Variants in RBFOX1 observed in about 807,000 individuals in gnomAD.
The protein encoded by RBFOX1 is RNA binding fox-1 homolog 1.
Under a neutral mutation model 57.7 loss-of-function variants are expected in RBFOX1, and 8 were observed. The ratio of observed to expected loss-of-function variants is 0.14; its 90% CI spans 0.08 to 0.25. RBFOX1 has a LOEUF of 0.25. Among genes scored for constraint, RBFOX1 ranks in the 10% least tolerant of loss-of-function variants. The pLI, the probability that RBFOX1 is intolerant of heterozygous loss-of-function variation, is 1.00. For synonymous variants in RBFOX1, 326 were observed against 222.4 expected (o/e 1.47, Z -4.15); for missense variants, 611 against 548.5 (o/e 1.11, Z -1.14).
At chr16:5,568,668 TATGCCAGC>T (rs961783218) in intron 2 of RBFOX1, among the ~76,000 whole-genome samples, 29 of 152,348 alleles carry the variant, frequency 1.9e-4, no homozygotes, top group African/African-American at 7.0e-4. Context: ...CTTGTCCACC[TATGCCAGC>T]ATGGGCTTTC....
intron 3 of RBFOX1, among the ~76,000 whole-genome samples, chr16:6,702,596 C>G (rs943451910): frequency 7.2e-5 from 11 of 151,998 alleles, no homozygotes; most frequent in African/African-American, 2.4e-4. Context: ...ACATTCTATT[C>G]CTTCCCAAAA....
At chr16:6,253,699 G>GTATATA (rs373756943) in intron 1 of RBFOX1, among the ~76,000 whole-genome samples, 90 of 142,462 alleles carry the variant, frequency 6.3e-4, no homozygotes, top group East Asian at 3.0e-3. Flanking sequence ...GTGTGTGTGT[G>GTATATA]TATATATATA....
intron 3 of RBFOX1, among the ~76,000 whole-genome samples, chr16:6,965,429 C>T (rs138594337): frequency 1.3e-5 from 2 of 151,902 alleles, no homozygotes; most frequent in South Asian, 2.1e-4. Context: ...TGCAGCCTCC[C>T]GGGTTCAATT....
At chr16:6,215,067 C>T (rs1217973817) in intron 1 of RBFOX1, among the ~76,000 whole-genome samples, 6 of 66,862 alleles carry the variant, frequency 9.0e-5, no homozygotes, top group East Asian at 9.6e-4. Context: ...GGGAGAGGGA[C>T]GGGGAGATGG....
chr16:6,378,263 C>T (rs945183258), intron 2 of RBFOX1, among the ~76,000 whole-genome samples: 1 of 152,220 alleles, frequency 6.6e-6, no homozygotes, highest in Non-Finnish European at 1.5e-5. Flanking sequence ...GCCAGTGCTT[C>T]CCCTCCGTGC....
intron 4 of RBFOX1, among the ~76,000 whole-genome samples, chr16:7,317,822 C>T (rs1021941983): frequency 4.6e-5 from 7 of 152,150 alleles, no homozygotes; most frequent in East Asian, 1.9e-4. Flanking sequence ...TCTACATTTA[C>T]GAAGTAGAGG....
At chr16:5,776,864 C>G (rs1487372224) in intron 3 of RBFOX1, among the ~76,000 whole-genome samples, 1 of 152,218 alleles carries the variant, frequency 6.6e-6, no homozygotes. Context: ...AAATCAGCAT[C>G]ATCAAACACG....
At chr16:7,164,208 A>T (rs559410233) in intron 4 of RBFOX1, among the ~76,000 whole-genome samples, 16 of 152,220 alleles carry the variant, frequency 1.1e-4, no homozygotes, top group Non-Finnish European at 1.8e-4. Flanking sequence ...GAGTGAGAAC[A>T]TATGATGTTT....
At chr16:6,855,036 G>A (rs184583509) in intron 3 of RBFOX1, among the ~76,000 whole-genome samples, 257 of 152,110 alleles carry the variant, frequency 1.7e-3, no homozygotes, top group Non-Finnish European at 2.4e-3. Context: ...TCACTGTTGG[G>A]AGGTGGGTGG....
chr16:7,195,458 C>T (rs1006424900), intron 4 of RBFOX1, among the ~76,000 whole-genome samples: 3 of 152,142 alleles, frequency 2.0e-5, no homozygotes, highest in Admixed American at 1.3e-4. Context: ...CTAATATTGG[C>T]AAGGCAAAAC....
intron 5 of RBFOX1, among the ~76,000 whole-genome samples, chr16:7,529,254 C>G (rs754952773): frequency 1.3e-5 from 2 of 152,188 alleles, no homozygotes; most frequent in Non-Finnish European, 2.9e-5. Flanking sequence ...GAATCAGACT[C>G]TGTCTCAAAA....
chr16:7,464,146 T>C (rs1390669612), intron 4 of RBFOX1, among the ~76,000 whole-genome samples: 3 of 152,208 alleles, frequency 2.0e-5, no homozygotes, highest in Non-Finnish European at 2.9e-5. Context: ...TCTGATTTCC[T>C]TAAGATAGGG....
At chr16:5,419,730 A>C (rs55857743) in intron 1 of RBFOX1, among the ~76,000 whole-genome samples, 37,528 of 151,874 alleles carry the variant, frequency 0.25, 5,200 homozygotes, top group Middle Eastern at 0.34. Flanking sequence ...TGAACACAAA[A>C]GACCTGAAAG....
At chr16:7,229,181 G>A (rs1396309649) in intron 4 of RBFOX1, among the ~76,000 whole-genome samples, 1 of 152,216 alleles carries the variant, frequency 6.6e-6, no homozygotes, top group Non-Finnish European at 1.5e-5. Flanking sequence ...TTTCTTTCAT[G>A]CTTCAGAAAG....
chr16:6,916,102 A>C (rs1417636659), intron 3 of RBFOX1, among the ~76,000 whole-genome samples: 1 of 152,178 alleles, frequency 6.6e-6, no homozygotes, highest in African/African-American at 2.4e-5. Context: ...AAAGGGCATA[A>C]GCGCTGTGTA....
intron 2 of RBFOX1, among the ~76,000 whole-genome samples, chr16:5,491,333 A>T (rs973548343): frequency 6.6e-6 from 1 of 152,114 alleles, no homozygotes; most frequent in African/African-American, 2.4e-5. Flanking sequence ...CCACCTGACT[A>T]TTATCGCCAA....
chr16:6,487,154 G>GTGTC (rs141233620), intron 2 of RBFOX1, among the ~76,000 whole-genome samples: 11 of 97,010 alleles, frequency 1.1e-4, no homozygotes, highest in Non-Finnish European at 2.8e-4. Context: ...CTGTGTGTGT[G>GTGTC]TGTGTGTGTG....
At chr16:7,343,954 G>A (rs941154582) in intron 4 of RBFOX1, among the ~76,000 whole-genome samples, 10 of 152,028 alleles carry the variant, frequency 6.6e-5, no homozygotes, top group African/African-American at 1.5e-4. Flanking sequence ...ATTTCCAAGC[G>A]TAAAGCAATA....
At chr16:7,692,121 G>C (rs1286741127) in intron 14 of RBFOX1, among the ~76,000 whole-genome samples, 1 of 152,126 alleles carries the variant, frequency 6.6e-6, no homozygotes, top group African/African-American at 2.4e-5. Flanking sequence ...GGCTCAAAAA[G>C]TCTGTGTCAA....
Sources: allele counts gnomAD v4.1 joint callset (sites outside exome capture counted in the v4.1 genomes callset), GRCh38; gene constraint gnomAD v4.1.1; transcripts MANE v1.5; gene names NCBI Gene and HGNC (gene_info 2026-07-23, HGNC 2026-07-21).